The following GPHN variants were observed in gnomAD, a reference collection of about 807,000 sequenced individuals.
The protein encoded by GPHN is gephyrin.
GPHN carries 17 observed loss-of-function variants against 95.5 expected under a neutral mutation model. The observed-to-expected ratio is 0.18, with a 90% CI of 0.12 to 0.27. The LOEUF (loss-of-function observed/expected upper bound fraction) is 0.27. Ranked by LOEUF, GPHN falls within the 10% of genes least tolerant of loss-of-function variation. GPHN has a pLI of 1.00. For missense variants in GPHN, 660 were observed against 978.1 expected, an observed-to-expected ratio of 0.67 and a Z score of 4.34; for synonymous variants, 320 against 322.5, an observed-to-expected ratio of 0.99 and a Z score of 0.08.
chr14:67,121,888 C>G (rs1050896866), intron 16 of GPHN, among the ~76,000 whole-genome samples: 1 of 152,110 alleles, frequency 6.6e-6, no homozygotes, highest in Non-Finnish European at 1.5e-5. Context: ...ATCTATACCT[C>G]AAATATTCCC....
the GPHN span, chr14:67,223,838 A>T: frequency 8.1e-6 from 8 of 985,514 alleles, no homozygotes; most frequent in African/African-American, 1.4e-4. Flanking sequence ...CCCCTTCCAT[A>T]CACTTTTACT....
intron 1 of GPHN, among the ~76,000 whole-genome samples, chr14:66,543,188 C>T (rs2059415904): frequency 6.6e-6 from 1 of 152,080 alleles, no homozygotes; most frequent in Non-Finnish European, 1.5e-5. Flanking sequence ...GGCCCCACCC[C>T]CAGCATTGGG....
At chr14:66,742,847 G>C (rs1233630577) in intron 2 of GPHN, among the ~76,000 whole-genome samples, 3 of 152,010 alleles carry the variant, frequency 2.0e-5, no homozygotes, top group African/African-American at 2.4e-5. Flanking sequence ...CTGCAAGCCC[G>C]GCCTTCTGGG....
At chr14:67,028,906 AC>A (rs1817050971) in intron 10 of GPHN, among the ~76,000 whole-genome samples, 1 of 151,996 alleles carries the variant, frequency 6.6e-6, no homozygotes, top group Admixed American at 6.6e-5. Context: ...TGTTGTCTGT[AC>A]TTTTGAAGTC....
intron 10 of GPHN, among the ~76,000 whole-genome samples, chr14:67,025,956 A>G (rs909700864): frequency 6.6e-6 from 1 of 152,248 alleles, no homozygotes. Context: ...TGAAGCTCCT[A>G]TATTGAAAGA....
the GPHN span, chr14:67,335,478 A>ATAAC: frequency 6.5e-6 from 1 of 152,722 alleles, no homozygotes; most frequent in Non-Finnish European, 1.5e-5. Context: ...AGGTTGGTGC[A>ATAAC]TAACTTTGTT....
At chr14:67,272,030 C>T in the GPHN span, 1 of 148,264 alleles carries the variant, frequency 6.7e-6, no homozygotes, top group African/African-American at 2.5e-5. Flanking sequence ...GGGATCGTGC[C>T]ATTGCACTCA....
chr14:67,022,699 C>T (rs1029549114), intron 9 of GPHN, among the ~76,000 whole-genome samples: 1 of 148,048 alleles, frequency 6.8e-6, no homozygotes, highest in African/African-American at 2.5e-5. Context: ...CATAACCCAC[C>T]CTAAGTTGCA....
chr14:66,911,785 C>A (rs773438994), intron 5 of GPHN, among the ~76,000 whole-genome samples: 13 of 151,912 alleles, frequency 8.6e-5, no homozygotes, highest in Non-Finnish European at 1.3e-4. Flanking sequence ...CAAATATGTC[C>A]TGTTTTTAAA....
At chr14:66,886,775 G>A (rs923642500) in intron 5 of GPHN, among the ~76,000 whole-genome samples, 2 of 152,194 alleles carry the variant, frequency 1.3e-5, no homozygotes, top group East Asian at 1.9e-4. Context: ...TACACATTAT[G>A]GGGATTCAAG....
At chr14:66,687,097 A>C (rs1214791801) in intron 2 of GPHN, among the ~76,000 whole-genome samples, 2 of 152,170 alleles carry the variant, frequency 1.3e-5, no homozygotes, top group East Asian at 1.9e-4. Context: ...CCCAGGGATG[A>C]AGCCCACTTG....
chr14:67,700,500 G>T, the GPHN span, among the ~76,000 whole-genome samples: 6 of 151,910 alleles, frequency 3.9e-5, no homozygotes, highest in Non-Finnish European at 8.8e-5. Context: ...CAGATCACGA[G>T]GTCAGGAGAT....
chr14:67,442,964 A>T, the GPHN span, among the ~76,000 whole-genome samples: 1 of 152,224 alleles, frequency 6.6e-6, no homozygotes, highest in Non-Finnish European at 1.5e-5. Flanking sequence ...TCATCCCTGT[A>T]ATCCCAGCAG....
intron 1 of GPHN, among the ~76,000 whole-genome samples, chr14:66,667,021 C>T (rs141520260): frequency 8.7e-4 from 132 of 152,230 alleles, no homozygotes; most frequent in African/African-American, 3.2e-3. Context: ...AGATCATAAA[C>T]GTACTCCCCT....
the GPHN span, chr14:67,340,223 G>A: frequency 2.1e-6 from 1 of 472,378 alleles, no homozygotes; most frequent in African/African-American, 1.9e-5. Flanking sequence ...TCTCTGAAAG[G>A]CCTAAGTTTT....
intron 4 of GPHN, among the ~76,000 whole-genome samples, chr14:66,860,988 A>G (rs2063000254): frequency 6.6e-6 from 1 of 152,102 alleles, no homozygotes; most frequent in South Asian, 2.1e-4. Context: ...GAAGACCACA[A>G]AACAACCAGA....
the GPHN span, chr14:67,619,649 G>C: frequency 4.4e-6 from 1 of 228,152 alleles, no homozygotes. Flanking sequence ...GGACACACCT[G>C]TTGGTCACCG....
intron 1 of GPHN, among the ~76,000 whole-genome samples, chr14:66,511,417 C>T (rs937804057): frequency 6.6e-6 from 1 of 151,976 alleles, no homozygotes; most frequent in African/African-American, 2.4e-5. Flanking sequence ...TGGCATGCTT[C>T]GTAATACTAA....
At chr14:67,587,938 C>A in the GPHN span, 1 of 152,674 alleles carries the variant, frequency 6.5e-6, no homozygotes, top group Non-Finnish European at 1.5e-5. Flanking sequence ...ATTTCCAATT[C>A]TCCTACACTC....
Sources: allele counts gnomAD v4.1 joint callset (sites outside exome capture counted in the v4.1 genomes callset), GRCh38; gene constraint gnomAD v4.1.1; transcripts MANE v1.5; gene names NCBI Gene and HGNC (gene_info 2026-07-23, HGNC 2026-07-21).